OXR1: variants seen among roughly 807,000 people sequenced by gnomAD.
The protein encoded by OXR1 is oxidation resistance protein 1.
In OXR1, 41 loss-of-function variants were observed where a neutral mutation model predicts 104.6. That is an observed-to-expected ratio of 0.39 (90% CI 0.31 to 0.51). The LOEUF (loss-of-function observed/expected upper bound fraction) is 0.51. Ranked by LOEUF, OXR1 falls within the 20% of genes least tolerant of loss-of-function variation. The probability of loss-of-function intolerance (pLI) is 0.77; values close to 1 mark genes in which losing one functional copy is unlikely to be tolerated. For missense variants in OXR1, 955 were observed against 1,031.9 expected (o/e 0.93, Z 1.02); for synonymous variants, 348 against 348.4 (o/e 1.00, Z 0.01).
chr8:106,665,489 A>G (rs1826202100), intron 3 of OXR1, among the ~76,000 whole-genome samples: 1 of 152,218 alleles, frequency 6.6e-6, no homozygotes, highest in Non-Finnish European at 1.5e-5. Context: ...TAACAGGATT[A>G]TTTAGGGATA....
In OXR1 at chr8:106,667,061, A is replaced by G. The variant is rs550040059; in HGVS notation, c.221-12149A>G. On this transcript the variant is annotated intron_variant, in intron 3 of 16. Coordinates refer to ENST00000517566, the MANE Select transcript of OXR1 (RefSeq NM_001198533.2). The stretch of plus-strand genomic sequence containing the variant: ...GTGGCTACCATATTATACAAGGCAG[A>G]TATAAAACATTTTTACCATTGCAGA... 4.6e-5 allele frequency among the ~76,000 whole-genome samples: 7 copies of G among 152,352 alleles called. No individual in the cohort carries two copies. The South Asian group carries it at 1.2e-3, about 27-fold the overall frequency.
intron 2 of OXR1, among the ~76,000 whole-genome samples, chr8:106,464,832 C>T (rs1821091756): frequency 6.6e-6 from 1 of 152,028 alleles, no homozygotes; most frequent in Non-Finnish European, 1.5e-5. Context: ...ACTGTCATCT[C>T]TTATCTGTTC....
At chr8:106,710,892 T>C (rs558077657) in intron 10 of OXR1, 102 bp downstream of exon 10, 74 of 784,894 alleles carry the variant, frequency 9.4e-5, no homozygotes, top group African/African-American at 8.4e-4. Flanking sequence ...AAACATAGTT[T>C]ATGATTAAAA....
At chr8:106,344,531 G>A (rs920727459) in intron 1 of OXR1, among the ~76,000 whole-genome samples, 1 of 152,222 alleles carries the variant, frequency 6.6e-6, no homozygotes, top group East Asian at 1.9e-4. Flanking sequence ...TAGAGATGGG[G>A]TTTCACCATT....
chr8:106,464,581 C>T (rs536165629), intron 2 of OXR1, among the ~76,000 whole-genome samples: 1 of 151,940 alleles, frequency 6.6e-6, no homozygotes, highest in African/African-American at 2.4e-5. Flanking sequence ...GTCAGCCTAT[C>T]GCAGCTATCC....
At chr8:106,550,605 T>G (rs936188859) in intron 3 of OXR1, among the ~76,000 whole-genome samples, 1 of 152,142 alleles carries the variant, frequency 6.6e-6, no homozygotes, top group African/African-American at 2.4e-5. Flanking sequence ...GCTGTTCTCA[T>G]GATAGTGAGT....
intron 3 of OXR1, among the ~76,000 whole-genome samples, chr8:106,560,545 G>A (rs1586812413): frequency 6.7e-6 from 1 of 150,056 alleles, no homozygotes; most frequent in Admixed American, 6.6e-5. Flanking sequence ...TGTAAGACCT[G>A]GAAGTCCCAT....
chr8:106,281,970 T>A lies in OXR1; in HGVS notation c.-139+11603T>A, dbSNP rs560647709. ...TTCATTATCATACATAAAATACTAC[T>A]GATTTATATGCTATATTCTATTTTT... is the stretch of plus-strand genomic sequence containing the variant. On this transcript the variant is annotated intron_variant, in intron 1 of 16. Transcript: ENST00000517566. 3.1e-3 allele frequency among the ~76,000 whole-genome samples: 474 copies of A among 152,274 alleles called. 1 individual carries two copies. Among genetic ancestry groups the A allele is most frequent in the African/African-American group, 0.011 (455 of 41,542 alleles).
chr8:106,420,759 T>TGTGTGTGTGTGTGTG (rs1563513879), intron 2 of OXR1, among the ~76,000 whole-genome samples: 5 of 151,538 alleles, frequency 3.3e-5, no homozygotes, highest in African/African-American at 9.7e-5. Context: ...TGTGTGTGTG[T>TGTGTGTGTGTGTGTG]TAGTTACTAG....
At chr8:106,399,163 A>G (rs893532891) in intron 2 of OXR1, among the ~76,000 whole-genome samples, 1 of 152,202 alleles carries the variant, frequency 6.6e-6, no homozygotes, top group Non-Finnish European at 1.5e-5. Flanking sequence ...GATCTGAGTT[A>G]CATTTCCCCA....
At position 106,702,914 on chromosome 8, in the gene OXR1, C is replaced by T. The variant is rs772297151; in HGVS notation, c.684C>T (p.Val228=). Residue 228 remains valine, a synonymous_variant, in exon 8 of 17, where the codon GTC becomes GTT. Transcript: ENST00000517566. ...TTCTTTTTTCACCTTAGGGCACAGTCAGTGGTGTGCTGCTAGTTACACCAA... is the reference window on the plus strand; with the variant it reads ...TTCTTTTTTCACCTTAGGGCACAGTTAGTGGTGTGCTGCTAGTTACACCAA... ...CKYITSGKGT[V]SGVLLVTPNN... 6.2e-7 allele frequency: 1 copy of T among 1,611,706 alleles called. No homozygotes were observed. Among genetic ancestry groups the T allele is most frequent in the South Asian group, 1.1e-5 (1 of 90,840 alleles).
At chr8:106,405,160 A>AG (rs1369065094) in intron 2 of OXR1, among the ~76,000 whole-genome samples, 3,577 of 23,938 alleles carry the variant, frequency 0.15, 411 homozygotes, top group African/African-American at 0.39. Flanking sequence ...ATATATATAT[A>AG]TATATATATA....
At chr8:106,560,213 A>G (rs1039896023) in intron 3 of OXR1, among the ~76,000 whole-genome samples, 1 of 152,220 alleles carries the variant, frequency 6.6e-6, no homozygotes, top group Non-Finnish European at 1.5e-5. Context: ...GCTACAAACT[A>G]TTCACTGTAC....
intron 2 of OXR1, among the ~76,000 whole-genome samples, chr8:106,489,220 C>T (rs954205692): frequency 2.0e-5 from 3 of 151,116 alleles, no homozygotes; most frequent in Admixed American, 6.6e-5. Flanking sequence ...ATTTGGCTCT[C>T]TGTTTGTCTG....
intron 1 of OXR1, among the ~76,000 whole-genome samples, chr8:106,312,123 TATG>T (rs1263824067): frequency 6.6e-6 from 1 of 152,192 alleles, no homozygotes; most frequent in Admixed American, 6.5e-5. Flanking sequence ...TTGAATTTTA[TATG>T]ATTTCAGTGA....
intron 1 of OXR1, among the ~76,000 whole-genome samples, chr8:106,301,448 G>T (rs899423198): frequency 2.0e-5 from 3 of 152,160 alleles, no homozygotes; most frequent in Non-Finnish European, 2.9e-5. Flanking sequence ...AATTTACAGG[G>T]ACTGGGAGCT....
rs1354710612 is a variant in OXR1, at chr8:106,405,235, G to GTA, written c.23+45600_23+45601insAT. 3.0e-4 allele frequency among the ~76,000 whole-genome samples: 35 copies of GTA among 118,302 alleles called. 1 individual carries two copies. The highest frequency in any genetic ancestry group is 1.5e-3 in the African/African-American group (34 of 22,874). 77.6% of individuals were successfully genotyped at this position (118,302 alleles called of 152,430 possible). ...TGTGTGTGTGTGTGTGTGTGTGTGT[G>GTA]TGTGTATAGGCTCATGTGATTATGG... On this transcript the variant is annotated intron_variant, in intron 2 of 16. Coordinates refer to ENST00000517566, the MANE Select transcript of OXR1 (RefSeq NM_001198533.2).
intron 3 of OXR1, among the ~76,000 whole-genome samples, chr8:106,537,703 T>C (rs77827690): frequency 0.072 from 7,490 of 104,082 alleles, 208 homozygotes; most frequent in Middle Eastern, 0.11. Flanking sequence ...GAAGAAGAAT[T>C]CTAGAGGCCA....
chr8:106,735,329 A>T (rs1834271453), intron 11 of OXR1, among the ~76,000 whole-genome samples: 1 of 152,100 alleles, frequency 6.6e-6, no homozygotes, highest in Non-Finnish European at 1.5e-5. Flanking sequence ...TGAAAAAAAT[A>T]AATTTGAAAG....
Sources: allele counts gnomAD v4.1 joint callset (sites outside exome capture counted in the v4.1 genomes callset), GRCh38; gene constraint gnomAD v4.1.1; transcripts MANE v1.5; gene names NCBI Gene and HGNC (gene_info 2026-07-23, HGNC 2026-07-21).